Variants in CDH13 observed in about 807,000 individuals in gnomAD.
CDH13 encodes the protein cadherin-13.
In CDH13, 24 loss-of-function variants were observed where a neutral mutation model predicts 63.8. That is an observed-to-expected ratio of 0.38 (90% CI 0.27 to 0.53). The LOEUF is 0.53. Ranked by LOEUF, CDH13 falls within the 20% of genes least tolerant of loss-of-function variation. The pLI is 0.85. For synonymous variants in CDH13, 503 were observed against 355.3 expected (o/e 1.42, Z -4.67); for missense variants, 1,049 against 903.1 (o/e 1.16, Z -2.07).
intron 4 of CDH13, among the ~76,000 whole-genome samples, chr16:83,132,472 A>C (rs2036100243): frequency 9.7e-6 from 1 of 102,612 alleles, no homozygotes; most frequent in Non-Finnish European, 1.8e-5. Flanking sequence ...TTTTTGAGAC[A>C]GAGTCTTTCT....
chr16:82,707,535 G>A (rs1380885012), intron 1 of CDH13, among the ~76,000 whole-genome samples: 4 of 152,176 alleles, frequency 2.6e-5, no homozygotes, highest in Non-Finnish European at 4.4e-5. Flanking sequence ...TAAAGAAATG[G>A]AAAGAAGTCT....
intron 1 of CDH13, among the ~76,000 whole-genome samples, chr16:82,849,394 C>T (rs536555590): frequency 3.9e-5 from 6 of 152,122 alleles, no homozygotes; most frequent in East Asian, 1.9e-4. Flanking sequence ...ACCAGCTACT[C>T]GGGAGGCCAA....
intron 1 of CDH13, among the ~76,000 whole-genome samples, chr16:82,715,421 G>A (rs2032292810): frequency 1.3e-5 from 2 of 152,124 alleles, no homozygotes; most frequent in Non-Finnish European, 2.9e-5. Context: ...TTATTAACGG[G>A]TAATGAAGAG....
rs144974952 is a variant in CDH13 at position 82,736,254 on chromosome 16, C to G, written c.45+109117C>G. On this transcript the variant is annotated intron_variant, in intron 1 of 13. Coordinates refer to ENST00000567109, the MANE Select transcript of CDH13 (RefSeq NM_001257.5). ...AATGGGCACCTGGGTGGGTGGATGCCTAACTAAATATATTTATATAATCCT... is the reference window on the plus strand; with the variant it reads ...AATGGGCACCTGGGTGGGTGGATGCGTAACTAAATATATTTATATAATCCT... Among the ~76,000 whole-genome samples, 338 of 152,162 alleles carry G rather than the reference C, an allele frequency of 2.2e-3. 1 individual carries two copies. The highest frequency in any genetic ancestry group is 7.5e-3 in the African/African-American group (312 of 41,484).
chr16:82,665,562 G>C (rs1189691259), intron 1 of CDH13, among the ~76,000 whole-genome samples: 1 of 152,106 alleles, frequency 6.6e-6, no homozygotes, highest in Non-Finnish European at 1.5e-5. Flanking sequence ...GACACTCCTT[G>C]ATTTATGATG....
chr16:83,101,274 T>G (rs557115529), intron 3 of CDH13, among the ~76,000 whole-genome samples: 2 of 150,512 alleles, frequency 1.3e-5, no homozygotes, highest in South Asian at 2.1e-4. Context: ...TACATATACA[T>G]ATACAGATAT....
intron 13 of CDH13, among the ~76,000 whole-genome samples, chr16:83,784,379 C>G (rs1015776371): frequency 6.6e-6 from 1 of 152,098 alleles, no homozygotes. Flanking sequence ...CACCTATAAT[C>G]CCACCACTTT....
chr16:83,117,011 C>A (rs1464772549), intron 3 of CDH13, among the ~76,000 whole-genome samples: 1 of 152,184 alleles, frequency 6.6e-6, no homozygotes, highest in Non-Finnish European at 1.5e-5. Context: ...GGACGATGAG[C>A]GCTGAGCTAC....
intron 5 of CDH13, among the ~76,000 whole-genome samples, chr16:83,318,507 C>G (rs1037430220): frequency 6.6e-6 from 1 of 152,222 alleles, no homozygotes; most frequent in African/African-American, 2.4e-5. Flanking sequence ...AAAGATCCCA[C>G]ATGAAACCTG....
At chr16:83,658,312 G>A (rs200408369) in intron 8 of CDH13, among the ~76,000 whole-genome samples, 82 of 18,522 alleles carry the variant, frequency 4.4e-3, no homozygotes, top group South Asian at 7.4e-3. Context: ...ACCAGGTCCC[G>A]TATCCTCACC....
chr16:83,358,166 C>T (rs1346926776), intron 6 of CDH13, among the ~76,000 whole-genome samples: 2 of 152,152 alleles, frequency 1.3e-5, no homozygotes, highest in Non-Finnish European at 2.9e-5. Context: ...TATTGCTCAG[C>T]CTCCCTGGCA....
At chr16:83,105,696 G>A (rs539146342) in intron 3 of CDH13, among the ~76,000 whole-genome samples, 23 of 152,254 alleles carry the variant, frequency 1.5e-4, no homozygotes, top group Non-Finnish European at 3.4e-4. Context: ...CATGGTAATG[G>A]GACCTGGCAG....
At chr16:82,953,870 G>A (rs1905654557) in intron 2 of CDH13, 2 of 152,242 alleles carry the variant, frequency 1.3e-5, no homozygotes, top group East Asian at 1.9e-4. Flanking sequence ...GATGATAGTA[G>A]GTAACAATTA....
intron 4 of CDH13, among the ~76,000 whole-genome samples, chr16:83,184,139 C>G (rs1433939029): frequency 1.5e-5 from 2 of 133,158 alleles, no homozygotes; most frequent in African/African-American, 7.0e-5. Flanking sequence ...CACACACACA[C>G]AACTAGTAAA....
chr16:83,300,151 G>C (rs2089699100), intron 5 of CDH13, among the ~76,000 whole-genome samples: 1 of 152,206 alleles, frequency 6.6e-6, no homozygotes, highest in Non-Finnish European at 1.5e-5. Context: ...GATCATTAAA[G>C]ACCATCTTTG....
chr16:83,739,781 T>G (rs1355390959), intron 10 of CDH13: 1 of 152,220 alleles, frequency 6.6e-6, no homozygotes, highest in African/African-American at 2.4e-5. Flanking sequence ...AAAGAAGGTT[T>G]CTACTCTCAT....
chr16:83,036,257 C>G (rs369942910), intron 3 of CDH13, among the ~76,000 whole-genome samples: 2 of 149,466 alleles, frequency 1.3e-5, no homozygotes, highest in East Asian at 4.0e-4. Flanking sequence ...TCAAGTGATT[C>G]TCCTGCCTCA....
chr16:83,520,093 T>C, intron 7 of CDH13, among the ~76,000 whole-genome samples: 1 of 152,160 alleles, frequency 6.6e-6, no homozygotes, highest in Non-Finnish European at 1.5e-5. Context: ...GACAAGTATG[T>C]AGAACAACTA....
intron 7 of CDH13, among the ~76,000 whole-genome samples, chr16:83,517,434 G>T (rs1374244331): frequency 6.6e-6 from 1 of 152,188 alleles, no homozygotes; most frequent in African/African-American, 2.4e-5. Context: ...GTCATTAAGG[G>T]ATCCAGGCTG....
Sources: gnomAD v4.1 joint callset for allele counts (sites outside exome capture counted in the v4.1 genomes callset) on GRCh38, gnomAD v4.1.1 for gene constraint, MANE v1.5 for transcripts, NCBI Gene and HGNC (gene_info 2026-07-23, HGNC 2026-07-21) for gene names.